SECISBP2: variants seen among roughly 807,000 people sequenced by gnomAD.
SECISBP2 encodes the protein selenocysteine insertion sequence-binding protein 2.
Under a neutral mutation model 98.2 loss-of-function variants are expected in SECISBP2, and 96 were observed. The observed-to-expected ratio is 0.98, with a 90% CI of 0.83 to 1.16. SECISBP2 has a LOEUF of 1.16. Among genes scored for constraint, SECISBP2 ranks in the 50% most tolerant of loss-of-function variants. The pLI is 0.00. For synonymous variants in SECISBP2, 407 were observed against 370.2 expected, an observed-to-expected ratio of 1.10 and a Z score of -1.14; for missense variants, 1,046 against 1,022.9, an observed-to-expected ratio of 1.02 and a Z score of -0.31.
At chr9:89,336,524 A>T in intron 7 of SECISBP2, among the ~76,000 whole-genome samples, 1 of 152,204 alleles carries the variant, frequency 6.6e-6, no homozygotes. Flanking sequence ...CCAAAAATGT[A>T]ATTAGCCCAT....
chr9:89,325,191 T>C lies in SECISBP2; in HGVS notation c.183-236T>C, dbSNP rs560039637. ...GCTGCTGGAGCATCTTCTGGCTCTG[T>C]TGATGTTTCTTACGGACTTCCAGCT... On this transcript the variant is annotated intron_variant, in intron 2 of 16. Coordinates refer to ENST00000375807, the MANE Select transcript of SECISBP2 (RefSeq NM_024077.5). 4.2e-4 allele frequency: 223 copies of C among 529,836 alleles called. 1 individual carries two copies. The highest frequency in any genetic ancestry group is 3.9e-3 in the African/African-American group (204 of 52,454). The allele number at this position is 529,836 out of a possible 1,614,324, so 32.8% of individuals were successfully genotyped here. A position where few individuals can be genotyped will look rare whatever the true frequency, so the allele number is the denominator to read the frequency against.
chr9:89,357,378 T>A, intron 14 of SECISBP2, 33 bp from the exon 15 acceptor site: 1 of 1,612,406 alleles, frequency 6.2e-7, no homozygotes, highest in Non-Finnish European at 8.5e-7. Flanking sequence ...ATGTGACATG[T>A]CTTCCTGTCA....
chr9:89,349,302 C>T (rs1238102617), intron 12 of SECISBP2, among the ~76,000 whole-genome samples: 1 of 152,106 alleles, frequency 6.6e-6, no homozygotes, highest in Non-Finnish European at 1.5e-5. Flanking sequence ...ACTAAACACA[C>T]CTCTTGAGTT....
At chr9:89,325,819 A>G in intron 3 of SECISBP2, 78 bp from the exon 4 acceptor site, 1 of 1,597,370 alleles carries the variant, frequency 6.3e-7, no homozygotes, top group South Asian at 1.1e-5. Flanking sequence ...TGAATTGTGA[A>G]TACTTAATAT....
downstream of SECISBP2, chr9:89,363,599 C>T: frequency 6.2e-7 from 1 of 1,601,598 alleles, no homozygotes; most frequent in Non-Finnish European, 8.5e-7. Flanking sequence ...CCACTGGCCA[C>T]CTTTCTCAAT....
At chr9:89,350,499 G>A (rs1337624243) in intron 13 of SECISBP2, 133 bp from the exon 14 acceptor site, 7 of 818,492 alleles carry the variant, frequency 8.6e-6, no homozygotes, top group African/African-American at 5.0e-5. Context: ...CCACAGTTCT[G>A]GTTAGTAGTA....
chr9:89,353,434 G>C (rs760926753), intron 14 of SECISBP2, among the ~76,000 whole-genome samples: 2 of 152,142 alleles, frequency 1.3e-5, no homozygotes, highest in Non-Finnish European at 2.9e-5. Flanking sequence ...TGTGTGGTGC[G>C]TCATGTCCTG....
rs1831159037 is a variant in SECISBP2, at chr9:89,350,767, G to T, written c.2028G>T (p.Gly676=). The part of the protein sequence containing the change: ...KAKTKRRLVL[G]LREVLKHLKL... ...AGACTAAACGTCGACTTGTGTTGGG[G>T]TTGAGGGAGGTTCTCAAACACCTGA... The change falls in exon 14 of 17, where the codon GGG becomes GGT. Residue 676 remains glycine (G), a synonymous_variant. Coordinates refer to ENST00000375807, the MANE Select transcript of SECISBP2 (RefSeq NM_024077.5). The T allele has an allele frequency of 2.5e-6, 4 of 1,614,234 alleles. No individual in the cohort carries two copies. Among genetic ancestry groups the T allele is most frequent in the Non-Finnish European group, 3.4e-6 (4 of 1,180,042 alleles).
At chr9:89,348,472 G>A (rs1233688749) in intron 12 of SECISBP2, among the ~76,000 whole-genome samples, 3 of 152,228 alleles carry the variant, frequency 2.0e-5, no homozygotes, top group African/African-American at 7.2e-5. Flanking sequence ...TGATCTGTGT[G>A]ATGCTGGATG....
intron 2 of SECISBP2, among the ~76,000 whole-genome samples, chr9:89,320,057 A>C (rs1005810587): frequency 6.6e-6 from 1 of 152,132 alleles, no homozygotes; most frequent in Admixed American, 6.5e-5. Flanking sequence ...GCATTTGTTA[A>C]TAAGAAATGC....
At chr9:89,346,853 C>T (rs367594918) in intron 10 of SECISBP2, 29 bp from the exon 11 acceptor site, 612 of 1,613,268 alleles carry the variant, frequency 3.8e-4, no homozygotes, top group Middle Eastern at 5.0e-4. Context: ...GGGAGGTGAC[C>T]GTGAGGGCTT....
chr9:89,328,595 G>A, intron 4 of SECISBP2, 65 bp from the exon 5 acceptor site: 1 of 1,279,260 alleles, frequency 7.8e-7, no homozygotes, highest in Non-Finnish European at 1.1e-6. Context: ...TGCAATTTTT[G>A]CTTGCATACT....
intron 2 of SECISBP2, among the ~76,000 whole-genome samples, chr9:89,321,860 C>A (rs778726054): frequency 5.2e-4 from 79 of 152,114 alleles, no homozygotes; most frequent in Non-Finnish European, 7.4e-4. Context: ...ATTATCTGAG[C>A]AGTTCTAATA....
At chr9:89,334,480 T>C (rs1373299110) in intron 6 of SECISBP2, 42 bp from the exon 7 acceptor site, 1 of 1,507,946 alleles carries the variant, frequency 6.6e-7, no homozygotes, top group Admixed American at 1.7e-5. Flanking sequence ...ATTTCTATTT[T>C]ACTGTTGAGA....
chr9:89,328,127 G>A (rs942035628), intron 4 of SECISBP2, among the ~76,000 whole-genome samples: 5 of 152,200 alleles, frequency 3.3e-5, no homozygotes, highest in Admixed American at 3.3e-4. Flanking sequence ...AGTAGTGGGA[G>A]TATATACTCC....
At chr9:89,366,602 T>C in the SECISBP2 span, among the ~76,000 whole-genome samples, 14 of 152,262 alleles carry the variant, frequency 9.2e-5, no homozygotes, top group African/African-American at 2.9e-4. Context: ...TCCATGTATC[T>C]ATCTACAAAT....
chr9:89,353,133 C>T (rs1202306636), intron 14 of SECISBP2, among the ~76,000 whole-genome samples: 2 of 152,196 alleles, frequency 1.3e-5, no homozygotes, highest in East Asian at 3.8e-4. Context: ...CAGAATCACC[C>T]AGAGGGCTGG....
chr9:89,321,140 T>G (rs1300319039), intron 2 of SECISBP2, among the ~76,000 whole-genome samples: 1 of 152,258 alleles, frequency 6.6e-6, no homozygotes, highest in African/African-American at 2.4e-5. Context: ...TTTCATCCAC[T>G]GTAAAGGGGA....
At chr9:89,338,430 G>C in intron 7 of SECISBP2, 28 bp from the exon 8 acceptor site, 1 of 1,612,080 alleles carries the variant, frequency 6.2e-7, no homozygotes, top group South Asian at 1.1e-5. Flanking sequence ...CTAAAAACAG[G>C]ATTTTTTGCT....
Sources: gnomAD v4.1 joint callset for allele counts (sites outside exome capture counted in the v4.1 genomes callset) on GRCh38, gnomAD v4.1.1 for gene constraint, MANE v1.5 for transcripts, NCBI Gene and HGNC (gene_info 2026-07-23, HGNC 2026-07-21) for gene names.